PTPRR: variants seen among roughly 807,000 people sequenced by gnomAD.
PTPRR encodes the protein receptor-type tyrosine-protein phosphatase R.
Under a neutral mutation model 77.2 loss-of-function variants are expected in PTPRR, and 38 were observed. The observed-to-expected ratio is 0.49, with a 90% CI of 0.38 to 0.65. The LOEUF (loss-of-function observed/expected upper bound fraction) is 0.65, where lower values mean the gene tolerates loss of function less well. PTPRR is among the 30% of genes least tolerant of loss of function. The pLI is 0.00. For missense variants in PTPRR, 744 were observed against 799.2 expected (o/e 0.93, Z 0.83); for synonymous variants, 299 against 283.1 (o/e 1.06, Z -0.57).
At chr12:70,763,610 A>G (rs192723707) in intron 3 of PTPRR, among the ~76,000 whole-genome samples, 1 of 152,364 alleles carries the variant, frequency 6.6e-6, no homozygotes, top group East Asian at 1.9e-4. Flanking sequence ...AAACCAAAAC[A>G]AAAAGCAAAT....
intron 2 of PTPRR, among the ~76,000 whole-genome samples, chr12:70,817,256 T>C (rs181045985): frequency 1.3e-5 from 2 of 152,324 alleles, no homozygotes; most frequent in African/African-American, 4.8e-5. Context: ...GCTTAAAATA[T>C]ATGAAAAATT....
intron 2 of PTPRR, among the ~76,000 whole-genome samples, chr12:70,830,181 T>G (rs903958088): frequency 2.6e-5 from 4 of 152,218 alleles, no homozygotes; most frequent in Non-Finnish European, 5.9e-5. Flanking sequence ...GTTGATGTTT[T>G]GTGGCCATCA....
chr12:70,916,398 C>G (rs1893776407), intron 1 of PTPRR, among the ~76,000 whole-genome samples: 1 of 152,004 alleles, frequency 6.6e-6, no homozygotes, highest in Non-Finnish European at 1.5e-5. Flanking sequence ...AGACTCTAGA[C>G]CATTGTAAGG....
rs1207676010 is a variant in PTPRR at position 70,726,212 on chromosome 12, AT to A, written c.1007+19605del. Among the ~76,000 whole-genome samples, 4 of 152,086 alleles carry A rather than the reference AT, an allele frequency of 2.6e-5. No individual in the cohort carries two copies. The East Asian group carries it at 7.7e-4, about 29-fold the overall frequency. ...TTAATTCAAGAAAATTATACAAAAA[AT>A]CTAATTTAATGCAACAAAAACCTAT... On this transcript the variant is annotated intron_variant, in intron 6 of 13. Transcript: ENST00000283228.
chr12:70,675,203 T>C (rs1887398828), intron 10 of PTPRR, among the ~76,000 whole-genome samples: 1 of 152,086 alleles, frequency 6.6e-6, no homozygotes, highest in Admixed American at 6.5e-5. Context: ...CATTTCTGTG[T>C]CCTCTTGTAG....
At chr12:70,758,877 T>C (rs1457252906) in intron 4 of PTPRR, among the ~76,000 whole-genome samples, 1 of 152,196 alleles carries the variant, frequency 6.6e-6, no homozygotes, top group African/African-American at 2.4e-5. Context: ...TGTTTTCTTG[T>C]TTATTTATTT....
intron 1 of PTPRR, among the ~76,000 whole-genome samples, chr12:70,908,253 C>T (rs1485391787): frequency 6.6e-6 from 1 of 152,074 alleles, no homozygotes; most frequent in Non-Finnish European, 1.5e-5. Flanking sequence ...AGTAATGATA[C>T]TACAGAGACA....
chr12:70,773,790 A>G (rs1217065604), intron 2 of PTPRR, among the ~76,000 whole-genome samples: 1 of 152,238 alleles, frequency 6.6e-6, no homozygotes, highest in Non-Finnish European at 1.5e-5. Context: ...AAAGCATCTA[A>G]TAGTACACAA....
At chr12:70,690,039 T>C (rs951060107) in intron 8 of PTPRR, among the ~76,000 whole-genome samples, 4 of 151,898 alleles carry the variant, frequency 2.6e-5, no homozygotes, top group Admixed American at 6.6e-5. Context: ...AAGTGAGGAG[T>C]GATGTTCTTC....
In PTPRR at chr12:70,892,836, T is replaced by A; in HGVS notation, c.200A>T (p.His67Leu). 6.2e-7 allele frequency: 1 copy of A among 1,613,580 alleles called. No homozygotes were observed. The highest frequency in any genetic ancestry group is 8.5e-7 in the Non-Finnish European group (1 of 1,179,612). Residue 67 changes from histidine (H) to leucine (L), a missense_variant, in exon 2 of 14, where the codon CAT becomes CTT. Physicochemically the swap from His to Leu is moderately conservative, Grantham distance 99. Transcript: ENST00000283228. ...APQKIYRHSY[H>L]SSSEAQVSKR... Reference sequence around the variant, plus strand: ...GCTTACTTGAGCTTCGGAAGAGGAATGGTAGCTATGTCTGTAGATTTTTTG... The same window carrying A: ...GCTTACTTGAGCTTCGGAAGAGGAAAGGTAGCTATGTCTGTAGATTTTTTG...
intron 6 of PTPRR, among the ~76,000 whole-genome samples, chr12:70,736,811 A>G (rs182130563): frequency 2.2e-4 from 34 of 152,356 alleles, no homozygotes; most frequent in Admixed American, 1.3e-3. Flanking sequence ...GGGCTGGGTC[A>G]TAGGTTCCAA....
chr12:70,643,776 TTTTTC>T (rs1886096725), intron 13 of PTPRR, among the ~76,000 whole-genome samples: 1 of 151,876 alleles, frequency 6.6e-6, no homozygotes, highest in African/African-American at 2.4e-5. Flanking sequence ...TCTTACTTTT[TTTTTC>T]TTTTTCTTTT....
chr12:70,914,680 A>G (rs1893748473), intron 1 of PTPRR, among the ~76,000 whole-genome samples: 1 of 152,146 alleles, frequency 6.6e-6, no homozygotes, highest in Non-Finnish European at 1.5e-5. Flanking sequence ...TTGTGGGGCC[A>G]GGTACTGTGG....
chr12:70,785,133 T>C (rs75746246), intron 2 of PTPRR, among the ~76,000 whole-genome samples: 11,847 of 152,254 alleles, frequency 0.078, 507 homozygotes, highest in Middle Eastern at 0.1. Flanking sequence ...ATGGCTTCTG[T>C]GAACATGCAA....
Position 70,767,551 on chromosome 12 carries a change from T to C in PTPRR, c.358-2773A>G, listed in dbSNP as rs1208421598. 7.9e-5 allele frequency among the ~76,000 whole-genome samples: 12 copies of C among 151,934 alleles called. No individual in the cohort carries two copies. The South Asian group carries it at 1.3e-3, about 16-fold the overall frequency. On this transcript the variant is annotated intron_variant, in intron 2 of 13. Transcript: ENST00000283228. Reference sequence around the variant, plus strand: ...TGACCTACAAAGAGACTTAGACTCCTACACAATAATAATGGGAGACGTTAA... The same window carrying C: ...TGACCTACAAAGAGACTTAGACTCCCACACAATAATAATGGGAGACGTTAA...
intron 12 of PTPRR, among the ~76,000 whole-genome samples, chr12:70,657,510 GCT>G (rs1057430729): frequency 5.9e-5 from 9 of 152,254 alleles, no homozygotes; most frequent in East Asian, 1.9e-4. Flanking sequence ...AAGCACACGT[GCT>G]CTCTCTGTCT....
intron 6 of PTPRR, among the ~76,000 whole-genome samples, chr12:70,731,710 T>G (rs1325979798): frequency 6.6e-6 from 1 of 152,238 alleles, no homozygotes; most frequent in Non-Finnish European, 1.5e-5. Flanking sequence ...CTGGATGTTT[T>G]AGAGCTGAAA....
At chr12:70,658,172 T>C (rs1403241143) in intron 12 of PTPRR, among the ~76,000 whole-genome samples, 1 of 152,242 alleles carries the variant, frequency 6.6e-6, no homozygotes, top group Non-Finnish European at 1.5e-5. Context: ...GTCAATTGTT[T>C]GGGCTTTTGG....
At chr12:70,829,740 G>C (rs762329978) in intron 2 of PTPRR, among the ~76,000 whole-genome samples, 8 of 152,114 alleles carry the variant, frequency 5.3e-5, no homozygotes, top group Non-Finnish European at 8.8e-5. Flanking sequence ...AAGGAGGTTG[G>C]TCTTGCCTTT....
Sources: allele counts gnomAD v4.1 joint callset (sites outside exome capture counted in the v4.1 genomes callset), GRCh38; gene constraint gnomAD v4.1.1; transcripts MANE v1.5; gene names NCBI Gene and HGNC (gene_info 2026-07-23, HGNC 2026-07-21).